DBX2: variants seen among roughly 807,000 people sequenced by gnomAD.
The protein encoded by DBX2 is homeobox protein DBX2.
DBX2 carries 16 observed loss-of-function variants against 17.7 expected under a neutral mutation model. The ratio of observed to expected loss-of-function variants is 0.90; its 90% CI spans 0.61 to 1.37. DBX2 has a LOEUF of 1.37. DBX2 is among the 40% of genes most tolerant of loss of function. The pLI, the probability that DBX2 is intolerant of heterozygous loss-of-function variation, is 0.00. For synonymous variants in DBX2, 255 were observed against 183.8 expected (o/e 1.39, Z -3.13); for missense variants, 538 against 433.8 (o/e 1.24, Z -2.13).
chr12:45,025,552 G>A (rs1946376892), intron 2 of DBX2, among the ~76,000 whole-genome samples: 1 of 151,598 alleles, frequency 6.6e-6, no homozygotes, highest in Non-Finnish European at 1.5e-5. Context: ...GCCAATTGCT[G>A]AAGAAACCAG....
At chr12:45,034,963 C>A (rs748302272) in intron 2 of DBX2, among the ~76,000 whole-genome samples, 15 of 152,184 alleles carry the variant, frequency 9.9e-5, no homozygotes, top group Non-Finnish European at 1.9e-4. Flanking sequence ...CGATTGGTCA[C>A]GGGTCTGTCA....
At position 45,045,092 on chromosome 12, in the gene DBX2, A is replaced by T. The variant is rs540753408; in HGVS notation, c.403+5433T>A. On this transcript the variant is annotated intron_variant, in intron 1 of 3. Coordinates refer to ENST00000332700, the MANE Select transcript of DBX2 (RefSeq NM_001004329.3). ...TAATAAAGTCTAAAATGAGGATTCT[A>T]ACAAGCATTCCTAGATAAAAATCAT... Among the ~76,000 whole-genome samples, 7 of 152,322 alleles carry T rather than the reference A, an allele frequency of 4.6e-5. No homozygotes were observed. In the East Asian group the frequency reaches 1.3e-3, roughly 29 times the overall value.
At chr12:45,024,544 G>A (rs1005518016) in intron 2 of DBX2, among the ~76,000 whole-genome samples, 1 of 152,226 alleles carries the variant, frequency 6.6e-6, no homozygotes, top group African/African-American at 2.4e-5. Flanking sequence ...GGATTAAGTA[G>A]TAGGTGGTTT....
chr12:45,048,252 G>A (rs1276019028), intron 1 of DBX2, among the ~76,000 whole-genome samples: 2 of 152,072 alleles, frequency 1.3e-5, no homozygotes, highest in Non-Finnish European at 2.9e-5. Context: ...TTTAGATGTG[G>A]TGCACTCAAC....
chr12:45,022,352 G>A (rs1946357832), intron 3 of DBX2, among the ~76,000 whole-genome samples: 1 of 130,690 alleles, frequency 7.7e-6, no homozygotes, highest in African/African-American at 2.9e-5. Context: ...CGCCCAGGCT[G>A]GAGCGCAATG....
rs567711351 is a variant in DBX2, at chr12:45,025,009, C to T, written c.500-1115G>A. On this transcript the variant is annotated intron_variant, in intron 2 of 3. Transcript: ENST00000332700. ...TTTACAGGCTTTCATAGTTCATTCA[C>T]TCATTCTGCTTCCCAGGTGTGGCAG... Among the ~76,000 whole-genome samples the T allele has an allele frequency of 8.0e-4, 122 of 152,350 alleles. 2 individuals are homozygous for T. Among genetic ancestry groups the T allele is most frequent in the African/African-American group, 2.9e-3 (121 of 41,578 alleles).
At chr12:45,041,510 T>C (rs1473135385) in intron 1 of DBX2, among the ~76,000 whole-genome samples, 2 of 152,230 alleles carry the variant, frequency 1.3e-5, no homozygotes, top group African/African-American at 4.8e-5. Flanking sequence ...GTTTATGTGA[T>C]CTAATTGCAA....
chr12:45,037,188 A>T (rs1254218845), intron 1 of DBX2, among the ~76,000 whole-genome samples: 1 of 152,156 alleles, frequency 6.6e-6, no homozygotes, highest in African/African-American at 2.4e-5. Context: ...CATGAATAAT[A>T]ACTCTCCATT....
chr12:45,031,853 A>G (rs954234070), intron 2 of DBX2, among the ~76,000 whole-genome samples: 1 of 152,122 alleles, frequency 6.6e-6, no homozygotes, highest in East Asian at 1.9e-4. Flanking sequence ...TGTTCTATTC[A>G]GTCATTCTCC....
chr12:45,034,117 C>T (rs1017978431), intron 2 of DBX2, among the ~76,000 whole-genome samples: 3 of 122,120 alleles, frequency 2.5e-5, no homozygotes, highest in Non-Finnish European at 5.6e-5. Context: ...AGTACACACA[C>T]ACACCCACAC....
intron 3 of DBX2, among the ~76,000 whole-genome samples, chr12:45,017,200 T>C (rs1351500712): frequency 6.6e-6 from 1 of 152,200 alleles, no homozygotes; most frequent in South Asian, 2.1e-4. Flanking sequence ...TCTTATATAT[T>C]TTAAAACATC....
At chr12:45,017,562 T>A (rs771471875) in intron 3 of DBX2, among the ~76,000 whole-genome samples, 54 of 152,350 alleles carry the variant, frequency 3.5e-4, no homozygotes, top group Middle Eastern at 6.8e-3. Flanking sequence ...TTATACAGTT[T>A]CCAAGTCTTG....
chr12:45,038,867 A>G (rs1357176752), intron 1 of DBX2, among the ~76,000 whole-genome samples: 1 of 152,044 alleles, frequency 6.6e-6, no homozygotes, highest in Non-Finnish European at 1.5e-5. Flanking sequence ...CCCTATCTTA[A>G]TATAAAAAAG....
chr12:45,017,597 G>C (rs1946330501), intron 3 of DBX2, among the ~76,000 whole-genome samples: 1 of 152,192 alleles, frequency 6.6e-6, no homozygotes, highest in African/African-American at 2.4e-5. Context: ...TTATCAAACT[G>C]TAAGAATTAA....
chr12:45,019,236 T>C lies in DBX2; in HGVS notation c.688-2618A>G, dbSNP rs551245901. On this transcript the variant is annotated intron_variant, in intron 3 of 3. Coordinates refer to ENST00000332700, the MANE Select transcript of DBX2 (RefSeq NM_001004329.3). ...AACAGGAAAAATATACTAACCATAA[T>C]ATTCCAAAATTCTTGACTAACAGCC... Among the ~76,000 whole-genome samples the C allele has an allele frequency of 2.2e-4, 33 of 152,128 alleles. No individual in the cohort carries two copies. In the South Asian group the frequency reaches 6.6e-3, roughly 31 times the overall value.
intron 1 of DBX2, among the ~76,000 whole-genome samples, chr12:45,046,660 G>C (rs1255819298): frequency 1.3e-5 from 2 of 152,146 alleles, no homozygotes; most frequent in Non-Finnish European, 2.9e-5. Context: ...GTGTATCTCA[G>C]TGGAGGAAAA....
At chr12:45,036,144 A>G (rs1301640625) in intron 1 of DBX2, 30 bp from the exon 2 acceptor site, 7 of 1,563,058 alleles carry the variant, frequency 4.5e-6, no homozygotes, top group Non-Finnish European at 6.1e-6. Flanking sequence ...CTCATTGATT[A>G]GCCATTTCTT....
At chr12:45,050,473 C>G (rs1592762075) in intron 1 of DBX2, 52 bp downstream of exon 1, 2 of 1,538,048 alleles carry the variant, frequency 1.3e-6, no homozygotes, top group South Asian at 1.2e-5. Flanking sequence ...CCCTGGACCA[C>G]CCGGCCTGGG....
rs113442613 is a variant in DBX2, at chr12:45,031,191, A to AGTGTGTGT, written c.499+4820_499+4827dup. On this transcript the variant is annotated intron_variant, in intron 2 of 3. Transcript: ENST00000332700. ...AGCTTCCTTACCCTTCTTATTTTCA[A>AGTGTGTGT]GTGTGTGTGTGTGTGTGTGTGTGTG... is the stretch of plus-strand genomic sequence containing the variant. Among the ~76,000 whole-genome samples the AGTGTGTGT allele has an allele frequency of 9.7e-3, 966 of 99,230 alleles. 6 individuals carry two copies. The highest frequency in any genetic ancestry group is 0.017 in the African/African-American group (471 of 27,162). 65.1% of individuals were successfully genotyped at this position (99,230 alleles called of 152,430 possible).
Sources: allele counts gnomAD v4.1 joint callset (sites outside exome capture counted in the v4.1 genomes callset), GRCh38; gene constraint gnomAD v4.1.1; transcripts MANE v1.5; gene names NCBI Gene and HGNC (gene_info 2026-07-23, HGNC 2026-07-21).